KLHL29: variants seen among roughly 807,000 people sequenced by gnomAD.
KLHL29 encodes kelch like family member 29, also known as kelch-like protein 29.
KLHL29 carries 21 observed loss-of-function variants against 80.4 expected under a neutral mutation model. The observed-to-expected ratio is 0.26, with a 90% CI of 0.19 to 0.38. The LOEUF is 0.38. KLHL29 is among the 10% of genes least tolerant of loss of function. The probability of loss-of-function intolerance (pLI) is 1.00; values close to 1 mark genes in which losing one functional copy is unlikely to be tolerated. For missense variants in KLHL29, 867 were observed against 1,223.9 expected, an observed-to-expected ratio of 0.71 and a Z score of 4.35; for synonymous variants, 511 against 526.8, an observed-to-expected ratio of 0.97 and a Z score of 0.41.
At chr2:23,488,776 A>G (rs967017306) in intron 2 of KLHL29, among the ~76,000 whole-genome samples, 2 of 152,086 alleles carry the variant, frequency 1.3e-5, no homozygotes, top group South Asian at 2.1e-4. Context: ...TGGGCCACAC[A>G]TTTTCCTCCA....
At chr2:23,513,863 G>A (rs560714388) in intron 2 of KLHL29, among the ~76,000 whole-genome samples, 85 of 152,274 alleles carry the variant, frequency 5.6e-4, no homozygotes, top group African/African-American at 1.9e-3. Flanking sequence ...AATTTTCTAT[G>A]ATTATTATTT....
At chr2:23,419,377 G>A (rs1442362327) in intron 1 of KLHL29, among the ~76,000 whole-genome samples, 2 of 152,034 alleles carry the variant, frequency 1.3e-5, no homozygotes, top group Non-Finnish European at 2.9e-5. Flanking sequence ...CAGGCTGGAG[G>A]GTCCCACCTG....
intron 1 of KLHL29, among the ~76,000 whole-genome samples, chr2:23,437,531 G>A (rs1266635693): frequency 2.6e-5 from 4 of 152,186 alleles, no homozygotes; most frequent in African/African-American, 4.8e-5. Context: ...AGGGTTGCTG[G>A]ATACTTAGGC....
chr2:23,670,896 G>A (rs2149175716), intron 5 of KLHL29, among the ~76,000 whole-genome samples: 1 of 112,030 alleles, frequency 8.9e-6, no homozygotes, highest in Non-Finnish European at 1.9e-5. Context: ...AGAAGGGAGG[G>A]GTCTCTACAC....
intron 11 of KLHL29, among the ~76,000 whole-genome samples, chr2:23,699,776 C>T (rs1021480317): frequency 6.6e-6 from 1 of 152,188 alleles, no homozygotes; most frequent in Non-Finnish European, 1.5e-5. Context: ...AGGGAAGGCC[C>T]CCATCCTCTA....
intron 2 of KLHL29, among the ~76,000 whole-genome samples, chr2:23,489,531 C>A (rs11899824): frequency 0.015 from 2,218 of 152,194 alleles, 63 homozygotes; most frequent in African/African-American, 0.051. Flanking sequence ...GAAGTCCTTG[C>A]GTACCTCCTG....
Position 23,503,469 on chromosome 2 carries a change from C to A in KLHL29, c.-46+27802C>A, listed in dbSNP as rs1027042445. Among the ~76,000 whole-genome samples, 9 of 152,154 alleles carry A rather than the reference C, an allele frequency of 5.9e-5. No individual in the cohort carries two copies. The highest frequency in any genetic ancestry group is 1.3e-4 in the Non-Finnish European group (9 of 68,028). ...GAATGTTTAGCAGATTTTAGACACT[C>A]AGACTGGAAAATACAGACGAGGCCA... On this transcript the variant is annotated intron_variant, in intron 2 of 13. Transcript: ENST00000486442. This position sits in a 1 kb window ranked among gnomAD's most constrained non-coding sequence, Gnocchi z 4.0.
intron 3 of KLHL29, among the ~76,000 whole-genome samples, chr2:23,566,462 C>T (rs1052147969): frequency 1.3e-5 from 2 of 152,234 alleles, no homozygotes; most frequent in African/African-American, 4.8e-5. Flanking sequence ...AGAGCATTCA[C>T]CATGGTAACC....
chr2:23,498,730 G>A (rs1216184503), intron 2 of KLHL29, among the ~76,000 whole-genome samples: 1 of 152,224 alleles, frequency 6.6e-6, no homozygotes. Context: ...GTGTGACTGG[G>A]GAACTGAATT....
At position 23,682,026 on chromosome 2, in the gene KLHL29, C is replaced by T. The variant is rs544979090; in HGVS notation, c.941-2373C>T. On this transcript the variant is annotated intron_variant, in intron 5 of 13. Coordinates refer to ENST00000486442, the MANE Select transcript of KLHL29 (RefSeq NM_052920.2). The surrounding 1 kb of genome is among the most constrained non-coding windows in gnomAD (Gnocchi z 4.1). ...CATCCCCCAGGTGTCCCACAGGCCC[C>T]ACCCCACAACTGATCTTCTTGTTCC... Among the ~76,000 whole-genome samples, 1 of 152,178 alleles carries T rather than the reference C, an allele frequency of 6.6e-6. No individual in the cohort carries two copies. The highest frequency in any genetic ancestry group is 2.1e-4 in the South Asian group (1 of 4,820).
rs12466909 is a variant in KLHL29 at position 23,464,267 on chromosome 2, G to A, written c.-153-11293G>A. ...CACTTGTTGGAGGCTCATTTCCCCA[G>A]GGTCTCTGCAAGCCCGGAGCCCCCG... On this transcript the variant is annotated intron_variant, in intron 1 of 13. Coordinates refer to ENST00000486442, the MANE Select transcript of KLHL29 (RefSeq NM_052920.2). 2.6e-4 allele frequency among the ~76,000 whole-genome samples: 39 copies of A among 152,290 alleles called. No homozygotes were observed. The South Asian group carries it at 7.7e-3, about 30-fold the overall frequency.
At chr2:23,516,004 T>C (rs936362265) in intron 2 of KLHL29, among the ~76,000 whole-genome samples, 2 of 152,208 alleles carry the variant, frequency 1.3e-5, no homozygotes, top group Admixed American at 6.5e-5. Context: ...ATTCTAAAGC[T>C]ATAGTCTATT....
intron 2 of KLHL29, among the ~76,000 whole-genome samples, chr2:23,538,319 T>A (rs1218280701): frequency 1.3e-5 from 2 of 152,222 alleles, no homozygotes; most frequent in Non-Finnish European, 2.9e-5. Context: ...ATGCCTGACG[T>A]CAGTTTCACT....
intron 3 of KLHL29, among the ~76,000 whole-genome samples, chr2:23,572,950 A>T (rs1479993274): frequency 2.6e-5 from 4 of 152,160 alleles, no homozygotes; most frequent in Non-Finnish European, 5.9e-5. Context: ...GGCCTCCCAA[A>T]GTGCTGGGAT....
Position 23,571,987 on chromosome 2 carries a change from G to A in KLHL29, c.285+9506G>A, listed in dbSNP as rs115993808. ...TAAAAGCAGCTGCAGTGACCTTCGT[G>A]AGTACCCTGTCCTATTATTCATTCA... On this transcript the variant is annotated intron_variant, in intron 3 of 13. Coordinates refer to ENST00000486442, the MANE Select transcript of KLHL29 (RefSeq NM_052920.2). 7.5e-3 allele frequency among the ~76,000 whole-genome samples: 1,136 copies of A among 152,328 alleles called. 10 individuals are homozygous for A. The highest frequency in any genetic ancestry group is 0.011 in the Non-Finnish European group (716 of 68,026).
At chr2:23,487,969 G>A (rs913593967) in intron 2 of KLHL29, among the ~76,000 whole-genome samples, 1 of 152,168 alleles carries the variant, frequency 6.6e-6, no homozygotes. Context: ...TAACCAGCCC[G>A]AGGGGAGGCC....
At chr2:23,461,139 T>G (rs1335271763) in intron 1 of KLHL29, among the ~76,000 whole-genome samples, 1 of 152,208 alleles carries the variant, frequency 6.6e-6, no homozygotes, top group Non-Finnish European at 1.5e-5. Flanking sequence ...AGTACTTTAT[T>G]GTATTATCCT....
intron 5 of KLHL29, among the ~76,000 whole-genome samples, chr2:23,675,248 G>A (rs953741475): frequency 1.6e-4 from 24 of 152,174 alleles, no homozygotes; most frequent in African/African-American, 4.1e-4. Flanking sequence ...GAGGGACTAC[G>A]TGCTGCTAGT....
chr2:23,684,261 G>T lies in KLHL29; in HGVS notation c.941-138G>T. The T allele has an allele frequency of 1.7e-6, 1 of 574,270 alleles. No homozygotes were observed. The highest frequency in any genetic ancestry group is 2.7e-6 in the Non-Finnish European group (1 of 372,480). 35.6% of individuals were successfully genotyped at this position (574,270 alleles called of 1,614,324 possible). ...GTGACTTCTTTTGACTGTCAGTGTT[G>T]AGCCAGTCTTGCCAAGAAACAATAT... On this transcript the variant is annotated intron_variant, in intron 5 of 13. Coordinates refer to ENST00000486442, the MANE Select transcript of KLHL29 (RefSeq NM_052920.2). This position sits in a 1 kb window ranked among gnomAD's most constrained non-coding sequence, Gnocchi z 4.4.
Sources: gnomAD v4.1 joint callset for allele counts (sites outside exome capture counted in the v4.1 genomes callset) on GRCh38, gnomAD v4.1.1 for gene constraint, Gnocchi (gnomAD v3.1) non-coding constraint, MANE v1.5 for transcripts, NCBI Gene and HGNC (gene_info 2026-07-23, HGNC 2026-07-21) for gene names.